Variants in PEPD observed in about 807,000 individuals in gnomAD.
PEPD encodes the protein peptidase D.
PEPD carries 53 observed loss-of-function variants against 60.7 expected under a neutral mutation model. The observed-to-expected ratio is 0.87, with a 90% CI of 0.70 to 1.10. The LOEUF (loss-of-function observed/expected upper bound fraction) is 1.10. Among genes scored for constraint, PEPD ranks in the 50% least tolerant of loss-of-function variants. The pLI, the probability that PEPD is intolerant of heterozygous loss-of-function variation, is 0.00. For synonymous variants in PEPD, 267 were observed against 284.1 expected (o/e 0.94, Z 0.60); for missense variants, 711 against 711.9 (o/e 1.00, Z 0.01).
chr19:33,409,060 C>G (rs1362229379), intron 11 of PEPD, among the ~76,000 whole-genome samples: 1 of 152,290 alleles, frequency 6.6e-6, no homozygotes, highest in African/African-American at 2.4e-5. Flanking sequence ...CCTGCCTCTA[C>G]AGCTGCAGCT....
chr19:33,412,373 G>C (rs1968797553), intron 10 of PEPD, among the ~76,000 whole-genome samples: 1 of 152,108 alleles, frequency 6.6e-6, no homozygotes, highest in Non-Finnish European at 1.5e-5. Context: ...CAAAAAAGGG[G>C]AACAGCAGTT....
intron 7 of PEPD, among the ~76,000 whole-genome samples, chr19:33,468,559 C>T (rs567306604): frequency 6.6e-6 from 1 of 152,368 alleles, no homozygotes; most frequent in Non-Finnish European, 1.5e-5. Flanking sequence ...CCCCCACTCC[C>T]ATCAGAGGCA....
At chr19:33,495,446 C>T (rs911668372) in intron 4 of PEPD, among the ~76,000 whole-genome samples, 10 of 149,998 alleles carry the variant, frequency 6.7e-5, no homozygotes, top group South Asian at 2.1e-4. Context: ...TGCAGTGAGC[C>T]GAGATCATGC....
In PEPD at chr19:33,387,304, A is replaced by G. The variant is rs375067721; in HGVS notation, c.*40T>C. The G allele has an allele frequency of 6.8e-6, 11 of 1,611,460 alleles. No individual in the cohort carries two copies. In the Admixed American group the frequency reaches 1.0e-4, roughly 15 times the overall value. On this transcript the variant is annotated 3_prime_UTR_variant, in exon 15 of 15. Coordinates refer to ENST00000244137, the MANE Select transcript of PEPD (RefSeq NM_000285.4). ...GCTGCCCATCACGAAAAGAGGTTGC[A>G]AGGCCAGGCCCCCAGGTGCGCTGGG...
chr19:33,420,207 C>A, intron 9 of PEPD, among the ~76,000 whole-genome samples: 1 of 152,152 alleles, frequency 6.6e-6, no homozygotes, highest in Non-Finnish European at 1.5e-5. Context: ...TCTCCGTCCC[C>A]AAGCCTGGCT....
chr19:33,430,691 A>G (rs1969251794), intron 9 of PEPD, among the ~76,000 whole-genome samples: 1 of 152,182 alleles, frequency 6.6e-6, no homozygotes, highest in South Asian at 2.1e-4. Flanking sequence ...ACTTTTGGGA[A>G]GAAATAAAAG....
chr19:33,417,944 C>T (rs1044718258), intron 9 of PEPD, among the ~76,000 whole-genome samples: 7 of 152,218 alleles, frequency 4.6e-5, no homozygotes, highest in East Asian at 1.9e-4. Context: ...CCAGCAAAAA[C>T]GCGGAGGTGT....
intron 9 of PEPD, among the ~76,000 whole-genome samples, chr19:33,435,815 G>A (rs1241138711): frequency 6.6e-6 from 1 of 152,234 alleles, no homozygotes; most frequent in Non-Finnish European, 1.5e-5. Context: ...TCCCTGGATT[G>A]GTCACTGGGA....
intron 9 of PEPD, among the ~76,000 whole-genome samples, chr19:33,422,851 CATCCATCT>C (rs1969057090): frequency 1.1e-5 from 1 of 94,726 alleles, no homozygotes; most frequent in Non-Finnish European, 2.3e-5. Context: ...TCTATCCATC[CATCCATCT>C]CTCTATATCT....
chr19:33,487,634 C>A (rs1360861536), intron 6 of PEPD, among the ~76,000 whole-genome samples: 1 of 152,178 alleles, frequency 6.6e-6, no homozygotes, highest in Non-Finnish European at 1.5e-5. Context: ...AGCTGAGGGG[C>A]CGGGTGAGCA....
At chr19:33,421,095 T>G (rs550282358) in intron 9 of PEPD, among the ~76,000 whole-genome samples, 1 of 152,376 alleles carries the variant, frequency 6.6e-6, no homozygotes, top group Non-Finnish European at 1.5e-5. Context: ...TTCTCCATTC[T>G]TCTGTGGGTG....
intron 9 of PEPD, among the ~76,000 whole-genome samples, chr19:33,423,110 T>C (rs1969066594): frequency 6.6e-6 from 1 of 151,972 alleles, no homozygotes; most frequent in Non-Finnish European, 1.5e-5. Flanking sequence ...CATCCATCCA[T>C]CCATCCATCC....
At position 33,452,300 on chromosome 19, in the gene PEPD, G is replaced by C. The variant is rs184276561; in HGVS notation, c.671+10695C>G. 6.9e-4 allele frequency among the ~76,000 whole-genome samples: 105 copies of C among 152,224 alleles called. 2 individuals carry two copies. Among genetic ancestry groups the C allele is most frequent in the Non-Finnish European group, 2.9e-5 (2 of 67,998 alleles). ...ATCACTCTAGACATACCAGGATATA[G>C]CTAAGGCAGTATTCAAAAATAAACT... is the stretch of plus-strand genomic sequence containing the variant. On this transcript the variant is annotated intron_variant, in intron 9 of 14. Coordinates refer to ENST00000244137, the MANE Select transcript of PEPD (RefSeq NM_000285.4).
intron 13 of PEPD, among the ~76,000 whole-genome samples, chr19:33,390,560 TCAGCCCCCTGCATTGGG>T (rs1176743068): frequency 6.6e-6 from 1 of 152,138 alleles, no homozygotes; most frequent in Non-Finnish European, 1.5e-5. Context: ...GATTGCACAA[TCAGCCCCCTGCATTGGG>T]CAGCCCGCCA....
chr19:33,484,784 AC>A (rs1165630922), intron 6 of PEPD, among the ~76,000 whole-genome samples: 1 of 152,206 alleles, frequency 6.6e-6, no homozygotes, highest in African/African-American at 2.4e-5. Flanking sequence ...ACACTCAGAC[AC>A]AAAAATATAC....
chr19:33,494,925 G>C (rs1187820316), intron 4 of PEPD, among the ~76,000 whole-genome samples: 2 of 152,136 alleles, frequency 1.3e-5, no homozygotes, highest in Non-Finnish European at 2.9e-5. Context: ...ACGAGGTCAG[G>C]AGATCGAGAC....
chr19:33,502,252 C>T (rs572723687), intron 3 of PEPD, among the ~76,000 whole-genome samples: 11 of 152,322 alleles, frequency 7.2e-5, no homozygotes, highest in African/African-American at 2.4e-4. Flanking sequence ...CTATCCCCAG[C>T]CGTGCTCCAG....
In PEPD at chr19:33,389,446, GTC is replaced by G. The variant is rs1600072242; in HGVS notation, c.1153-1367_1153-1366del. Among the ~76,000 whole-genome samples, 3 of 150,068 alleles carry G rather than the reference GTC, an allele frequency of 2.0e-5. No individual in the cohort carries two copies. In the East Asian group the frequency reaches 5.8e-4, roughly 29 times the overall value. ...CCCAGAAGCTGCTGGGGGTCCCAGG[GTC>G]TCTGCTCCAGGACCTTCCCGTCCCT... On this transcript the variant is annotated intron_variant, in intron 13 of 14. Transcript: ENST00000244137.
At chr19:33,390,844 G>T (rs987280749) in intron 13 of PEPD, among the ~76,000 whole-genome samples, 1 of 152,176 alleles carries the variant, frequency 6.6e-6, no homozygotes, top group South Asian at 2.1e-4. Context: ...GGGCTGCTCC[G>T]GGTTTGTGAG....
Sources: allele counts gnomAD v4.1 joint callset (sites outside exome capture counted in the v4.1 genomes callset), GRCh38; gene constraint gnomAD v4.1.1; transcripts MANE v1.5; gene names NCBI Gene and HGNC (gene_info 2026-07-23, HGNC 2026-07-21).